JAG1: variants seen among roughly 807,000 people sequenced by gnomAD.
JAG1 encodes jagged canonical Notch ligand 1, also known as protein jagged-1.
A neutral mutation model predicts 148.7 loss-of-function variants in JAG1; 23 were observed. The ratio of observed to expected loss-of-function variants is 0.15; its 90% CI spans 0.11 to 0.22. The LOEUF is 0.22. Ranked by LOEUF, JAG1 falls within the 10% of genes least tolerant of loss-of-function variation. The pLI, the probability that JAG1 is intolerant of heterozygous loss-of-function variation, is 1.00. For missense variants in JAG1, 1,054 were observed against 1,611.2 expected (o/e 0.65, Z 5.92); for synonymous variants, 572 against 598.3 (o/e 0.96, Z 0.64).
intron 23 of JAG1, 75 bp downstream of exon 23, chr20:10,641,385 G>C (rs1186367521): frequency 1.3e-6 from 2 of 1,520,890 alleles, no homozygotes; most frequent in Non-Finnish European, 1.8e-6. Flanking sequence ...GTAGATCCTA[G>C]CTCATGGCAT....
chr20:10,673,350 C>A lies in JAG1; in HGVS notation c.81+100G>T, dbSNP rs1202949546. Reference sequence around the variant, plus strand: ...GGGCGCAGGGGCGAGGAGTCGGGCGCTCGAGGGCTGCCGAGCCTGCTCGCG... The same window carrying A: ...GGGCGCAGGGGCGAGGAGTCGGGCGATCGAGGGCTGCCGAGCCTGCTCGCG... On this transcript the variant is annotated intron_variant, in intron 1 of 25. Transcript: ENST00000254958. This position sits in a 1 kb window ranked among gnomAD's most constrained non-coding sequence, Gnocchi z 4.7. 1.1e-6 allele frequency: 1 copy of A among 933,028 alleles called. No individual in the cohort carries two copies. The highest frequency in any genetic ancestry group is 1.7e-5 in the African/African-American group (1 of 58,508). 57.8% of individuals were successfully genotyped at this position (933,028 alleles called of 1,614,324 possible). A position where few individuals can be genotyped will look rare whatever the true frequency, so the allele number is the denominator to read the frequency against.
At chr20:10,668,092 T>TAAAAAAAA (rs58852175) in intron 2 of JAG1, among the ~76,000 whole-genome samples, 47 of 107,240 alleles carry the variant, frequency 4.4e-4, no homozygotes, top group African/African-American at 6.2e-4. Context: ...ACTGGCACCA[T>TAAAAAAAA]AAAAAAAAAA....
intron 2 of JAG1, 45 bp downstream of exon 2, chr20:10,672,656 C>T: frequency 6.3e-7 from 1 of 1,589,498 alleles, no homozygotes; most frequent in Non-Finnish European, 8.6e-7. Context: ...CGGCCAGGCG[C>T]GGGTGTGAGG....
At position 10,640,578 on chromosome 20, in the gene JAG1, G is replaced by A. The variant is rs1023644622; in HGVS notation, c.3199+205C>T. 1.3e-5 allele frequency among the ~76,000 whole-genome samples: 2 copies of A among 152,232 alleles called. 1 individual carries two copies. Among genetic ancestry groups the A allele is most frequent in the Middle Eastern group, 6.3e-3 (2 of 316 alleles). On this transcript the variant is annotated intron_variant, in intron 25 of 25. Transcript: ENST00000254958. Reference sequence around the variant, plus strand: ...TTCTGCAGGGAACGTTGCATAGTGTGTTGGGAAGGAAAATATGAGGCAGAC... The same window carrying A: ...TTCTGCAGGGAACGTTGCATAGTGTATTGGGAAGGAAAATATGAGGCAGAC...
intron 20 of JAG1, 144 bp from the exon 21 acceptor site, chr20:10,642,745 A>G (rs759140939): frequency 4.3e-6 from 3 of 699,326 alleles, no homozygotes; most frequent in Non-Finnish European, 5.2e-6. Context: ...CAAAAGAAGA[A>G]ACAGATCTAT....
intron 2 of JAG1, among the ~76,000 whole-genome samples, chr20:10,667,729 C>T (rs2067465022): frequency 6.6e-6 from 1 of 152,152 alleles, no homozygotes; most frequent in Non-Finnish European, 1.5e-5. Flanking sequence ...CACCAAGGGG[C>T]CCCAAAGCTC....
chr20:10,657,350 TA>T (rs34844219), intron 4 of JAG1, among the ~76,000 whole-genome samples: 8,020 of 141,092 alleles, frequency 0.057, 647 homozygotes, highest in African/African-American at 0.19. Context: ...CACCTTATCT[TA>T]AAAAAAAAAA....
At chr20:10,668,462 T>C (rs1025879125) in intron 2 of JAG1, among the ~76,000 whole-genome samples, 30 of 152,226 alleles carry the variant, frequency 2.0e-4, no homozygotes, top group African/African-American at 7.2e-4. Context: ...GCAGGAGTAT[T>C]TGCATTTATG....
chr20:10,658,986 G>T (rs561986458), intron 3 of JAG1, among the ~76,000 whole-genome samples: 1 of 152,182 alleles, frequency 6.6e-6, no homozygotes, highest in Non-Finnish European at 1.5e-5. Context: ...CATGTGAGTC[G>T]TTTGGGCTTC....
At chr20:10,657,661 T>G (rs577656790) in intron 4 of JAG1, among the ~76,000 whole-genome samples, 3 of 152,196 alleles carry the variant, frequency 2.0e-5, no homozygotes, top group Non-Finnish European at 4.4e-5. Flanking sequence ...GAGGGGATAT[T>G]ATACAGTTAA....
At position 10,648,120 on chromosome 20, in the gene JAG1, T is replaced by A. The variant is rs778171950; in HGVS notation, c.1570-10A>T. ...AATAATCGATGTCCAGCTGCAAATATCAGGAACAGCGAAAAGGGGGAGGGA... is the reference window on the plus strand; with the variant it reads ...AATAATCGATGTCCAGCTGCAAATAACAGGAACAGCGAAAAGGGGGAGGGA... On this transcript the variant is annotated splice_polypyrimidine_tract_variant and intron_variant, in intron 12 of 25. Coordinates refer to ENST00000254958, the MANE Select transcript of JAG1 (RefSeq NM_000214.3). The A allele has an allele frequency of 6.2e-7, 1 of 1,613,998 alleles. No homozygotes were observed.
rs1409103181 is a variant in JAG1, at chr20:10,664,013, C to T, written c.389G>A (p.Arg130Lys). 1.2e-6 allele frequency: 2 copies of T among 1,613,284 alleles called. No homozygotes were observed. Among genetic ancestry groups the T allele is most frequent in the Admixed American group, 1.7e-5 (1 of 60,004 alleles). Reference protein sequence around the residue: ...IVLPFSFAWPRSYTLLVEAWD... With the variant: ...IVLPFSFAWPKSYTLLVEAWD... ...CGCCTCCACAAGCAACGTATAGGAC[C>T]TCTGCAAGACAAACAAACAATTTAG... The change falls in exon 3 of 26, where the codon AGG becomes AAG. Residue 130 changes from arginine (R) to lysine (K), a missense_variant and splice_region_variant. Around this residue, in one of 6 missense-constraint regions of JAG1, gnomAD observed 151 missense variants for 211.1 expected, o/e 0.72. Transcript: ENST00000254958.
intron 3 of JAG1, among the ~76,000 whole-genome samples, chr20:10,660,062 T>G (rs1253460180): frequency 6.6e-6 from 1 of 152,196 alleles, no homozygotes; most frequent in Non-Finnish European, 1.5e-5. Flanking sequence ...AGGACTGACT[T>G]GCAATGTCTT....
chr20:10,652,343 C>A, intron 6 of JAG1, 93 bp from the exon 7 acceptor site: 1 of 1,598,478 alleles, frequency 6.3e-7, no homozygotes, highest in Non-Finnish European at 8.6e-7. Context: ...AAAAGAAAAA[C>A]CAGAAAACCC....
chr20:10,642,006 A>C, intron 21 of JAG1, 114 bp from the exon 22 acceptor site: 3 of 779,420 alleles, frequency 3.8e-6, no homozygotes, highest in African/African-American at 1.7e-5. Context: ...TGTTAAGATC[A>C]TTCTTCCCAC....
At chr20:10,640,013 C>A (rs933422859) in intron 25 of JAG1, 58 bp from the exon 26 acceptor site, 2 of 1,367,410 alleles carry the variant, frequency 1.5e-6, no homozygotes, top group East Asian at 2.4e-5. Context: ...AAAGCATCAT[C>A]GCAGGAACAA....
intron 3 of JAG1, among the ~76,000 whole-genome samples, 187 bp downstream of exon 3, chr20:10,663,776 A>G (rs545667912): frequency 1.3e-5 from 2 of 152,298 alleles, no homozygotes; most frequent in East Asian, 3.9e-4. Context: ...TAATATTCCA[A>G]GCAAAAATCC....
intron 25 of JAG1, among the ~76,000 whole-genome samples, chr20:10,640,333 G>A (rs1311125834): frequency 6.6e-6 from 1 of 152,182 alleles, no homozygotes; most frequent in Non-Finnish European, 1.5e-5. Context: ...AACGTGCCAT[G>A]GCTCCATGCC....
chr20:10,673,590 C>T lies in JAG1; in HGVS notation c.-60G>A. The T allele has an allele frequency of 9.9e-7, 1 of 1,007,312 alleles. No individual in the cohort carries two copies. The highest frequency in any genetic ancestry group is 1.7e-5 in the African/African-American group (1 of 59,012). The allele number at this position is 1,007,312 out of a possible 1,614,324, so 62.4% of individuals were successfully genotyped here. A position where few individuals can be genotyped will look rare whatever the true frequency, so the allele number is the denominator to read the frequency against. Reference sequence around the variant, plus strand: ...GCCGCTGCTGTTCGCGCTGGTGCTGCCGCCGGTGCTGCCGTCGCCGCTGCC... The same window carrying T: ...GCCGCTGCTGTTCGCGCTGGTGCTGTCGCCGGTGCTGCCGTCGCCGCTGCC... On this transcript the variant is annotated 5_prime_UTR_variant, in exon 1 of 26. Coordinates refer to ENST00000254958, the MANE Select transcript of JAG1 (RefSeq NM_000214.3). This position sits in a 1 kb window ranked among gnomAD's most constrained non-coding sequence, Gnocchi z 4.7.
Sources: allele counts gnomAD v4.1 joint callset (sites outside exome capture counted in the v4.1 genomes callset), GRCh38; gene constraint gnomAD v4.1.1; regional missense constraint gnomAD v4.1.1; non-coding constraint Gnocchi (gnomAD v3.1); transcripts MANE v1.5; gene names NCBI Gene and HGNC (gene_info 2026-07-23, HGNC 2026-07-21).